Variants in PDS5B observed in about 807,000 individuals in gnomAD.
The protein encoded by PDS5B is sister chromatid cohesion protein PDS5 homolog B.
PDS5B carries 51 observed loss-of-function variants against 184.1 expected under a neutral mutation model. The observed-to-expected ratio is 0.28, with a 90% CI of 0.22 to 0.35. PDS5B has a LOEUF of 0.35. PDS5B is among the 10% of genes least tolerant of loss of function. PDS5B has a pLI of 1.00. For synonymous variants in PDS5B, 566 were observed against 569.2 expected (o/e 0.99, Z 0.08); for missense variants, 1,180 against 1,723.3 (o/e 0.68, Z 5.58).
At chr13:32,742,557 C>T (rs1180359108) in intron 22 of PDS5B, 34 bp from the exon 23 acceptor site, 5 of 1,548,668 alleles carry the variant, frequency 3.2e-6, no homozygotes, top group Non-Finnish European at 4.4e-6. Context: ...CAAAATGTAC[C>T]AGTGTTTTAT....
chr13:32,659,318 G>T (rs371315639), intron 6 of PDS5B, 38 bp downstream of exon 6: 1 of 1,458,332 alleles, frequency 6.9e-7, no homozygotes, highest in Non-Finnish European at 9.2e-7. Context: ...TCTAATGCCC[G>T]TTAATATTAA....
At chr13:32,734,115 CCTTT>C (rs1953231433) in intron 20 of PDS5B, among the ~76,000 whole-genome samples, 1 of 151,924 alleles carries the variant, frequency 6.6e-6, no homozygotes, top group South Asian at 2.1e-4. Flanking sequence ...GCAACCTCCA[CCTTT>C]CTTGTTCAAG....
intron 30 of PDS5B, among the ~76,000 whole-genome samples, chr13:32,761,741 A>G (rs2141017433): frequency 6.6e-6 from 1 of 152,236 alleles, no homozygotes; most frequent in South Asian, 2.1e-4. Context: ...TATCTTTGAT[A>G]TTGTGAATAG....
At chr13:32,701,292 T>G (rs753035849) in intron 16 of PDS5B, 31 bp from the exon 17 acceptor site, 18 of 1,143,356 alleles carry the variant, frequency 1.6e-5, no homozygotes, top group Middle Eastern at 2.0e-4. Flanking sequence ...TTAAATGTAC[T>G]TTTGTAATAC....
chr13:32,753,574 C>T (rs1467426163), intron 25 of PDS5B, 38 bp downstream of exon 25: 1 of 1,421,034 alleles, frequency 7.0e-7, no homozygotes, highest in South Asian at 1.3e-5. Flanking sequence ...ACTTTTTCAG[C>T]CTGCTAGTTT....
At chr13:32,747,500 T>C (rs1047843059) in intron 24 of PDS5B, among the ~76,000 whole-genome samples, 6 of 151,822 alleles carry the variant, frequency 4.0e-5, no homozygotes, top group African/African-American at 7.3e-5. Context: ...TGCCAGAGAA[T>C]TGCTTGAACT....
chr13:32,693,738 AT>A (rs1388176953), intron 13 of PDS5B, among the ~76,000 whole-genome samples: 3 of 150,978 alleles, frequency 2.0e-5, no homozygotes, highest in Admixed American at 2.0e-4. Context: ...TACCTGTATG[AT>A]TTTTTTAGAT....
chr13:32,723,594 G>C (rs1283578667), intron 19 of PDS5B, among the ~76,000 whole-genome samples: 1 of 152,110 alleles, frequency 6.6e-6, no homozygotes, highest in Non-Finnish European at 1.5e-5. Context: ...AAATAACTGA[G>C]TATGTAAAAT....
chr13:32,699,992 A>T (rs1951821262), intron 16 of PDS5B, 123 bp downstream of exon 16: 1 of 860,342 alleles, frequency 1.2e-6, no homozygotes, highest in Non-Finnish European at 1.7e-6. Flanking sequence ...AAAAATGCAG[A>T]TAAACTATAA....
At chr13:32,646,365 CTGTGTTTTT>C (rs1950224546) in intron 1 of PDS5B, among the ~76,000 whole-genome samples, 1 of 69,748 alleles carries the variant, frequency 1.4e-5, no homozygotes, top group East Asian at 4.1e-4. Context: ...TCTCTCATGG[CTGTGTTTTT>C]TTTTTTTTTT....
Position 32,775,390 on chromosome 13 carries a change from C to A in PDS5B, c.*338C>A. 3.0e-6 allele frequency: 1 copy of A among 328,696 alleles called. No homozygotes were observed. The highest frequency in any genetic ancestry group is 5.8e-6 in the Non-Finnish European group (1 of 173,438). 20.4% of individuals were successfully genotyped at this position (328,696 alleles called of 1,614,324 possible). On this transcript the variant is annotated 3_prime_UTR_variant, in exon 35 of 35. Transcript: ENST00000315596. ...TCTGCGGCTTTAAACTGACAGTACC[C>A]GACTGTTTATTGGATCTATTGATTT...
rs1566397570 is a variant in PDS5B, at chr13:32,741,068, G to GTTTTTTTTTTT, written c.2407-9_2407-8insTTTTTTTTTTT. 2 of 1,281,034 alleles carry GTTTTTTTTTTT rather than the reference G, an allele frequency of 1.6e-6. No individual in the cohort carries two copies. The highest frequency in any genetic ancestry group is 1.6e-5 in the African/African-American group (1 of 63,668). The allele number at this position is 1,281,034 out of a possible 1,614,324, so 79.4% of individuals were successfully genotyped here. On this transcript the variant is annotated splice_polypyrimidine_tract_variant and intron_variant, in intron 21 of 34. Transcript: ENST00000315596. Reference sequence around the variant, plus strand: ...AGTCCCTGGTTTTTTTTTTTTTCTCGTTTATTTTTAGCTTCCAGGGAAAAA... The same window carrying GTTTTTTTTTTT: ...AGTCCCTGGTTTTTTTTTTTTTCTCGTTTTTTTTTTTTTTATTTTTAGCTTCCAGGGAAAAA...
intron 1 of PDS5B, among the ~76,000 whole-genome samples, chr13:32,633,464 A>G (rs2058489767): frequency 6.6e-6 from 1 of 152,216 alleles, no homozygotes; most frequent in Admixed American, 6.5e-5. Context: ...ACACTGTCAC[A>G]AAACAAAGTT....
At chr13:32,600,245 T>G (rs1259912411) in intron 1 of PDS5B, among the ~76,000 whole-genome samples, 1 of 152,260 alleles carries the variant, frequency 6.6e-6, no homozygotes, top group Non-Finnish European at 1.5e-5. Flanking sequence ...TAATGGACTT[T>G]TGACTCTTTT....
intron 19 of PDS5B, among the ~76,000 whole-genome samples, chr13:32,719,815 G>A (rs370500409): frequency 6.7e-6 from 1 of 149,596 alleles, no homozygotes; most frequent in Non-Finnish European, 1.5e-5. Flanking sequence ...TTGAGACAGG[G>A]TTTCACTCTG....
At chr13:32,774,183 A>G (rs938465438) in intron 34 of PDS5B, among the ~76,000 whole-genome samples, 1 of 152,164 alleles carries the variant, frequency 6.6e-6, no homozygotes, top group South Asian at 2.1e-4. Context: ...AAAACATAAT[A>G]CATTTAAGTA....
chr13:32,653,689 A>C (rs1167440710), intron 3 of PDS5B, among the ~76,000 whole-genome samples: 2 of 152,228 alleles, frequency 1.3e-5, no homozygotes, highest in Non-Finnish European at 2.9e-5. Context: ...GACTTAAAGT[A>C]GATAACATGA....
intron 1 of PDS5B, among the ~76,000 whole-genome samples, chr13:32,594,014 A>G (rs913321700): frequency 6.6e-6 from 1 of 152,222 alleles, no homozygotes; most frequent in Non-Finnish European, 1.5e-5. Context: ...TAAATGATAA[A>G]TGTTTGAAGT....
Position 32,635,170 on chromosome 13 carries a change from G to GTTTTTTTTTTTTTTT in PDS5B, c.-19-13553_-19-13539dup, listed in dbSNP as rs71071054. Among the ~76,000 whole-genome samples, 6 of 81,120 alleles carry GTTTTTTTTTTTTTTT rather than the reference G, an allele frequency of 7.4e-5. 1 individual carries two copies. Among genetic ancestry groups the GTTTTTTTTTTTTTTT allele is most frequent in the East Asian group, 3.7e-4 (1 of 2,718 alleles). 53.2% of individuals were successfully genotyped at this position (81,120 alleles called of 152,430 possible). ...TGCACCACCATGTCCAGCCAATTAC[G>GTTTTTTTTTTTTTTT]TTTTTTTTTTTTTTTTTTTTTTTTT... On this transcript the variant is annotated intron_variant, in intron 1 of 34. Coordinates refer to ENST00000315596, the MANE Select transcript of PDS5B (RefSeq NM_015032.4).
Sources: gnomAD v4.1 joint callset for allele counts (sites outside exome capture counted in the v4.1 genomes callset) on GRCh38, gnomAD v4.1.1 for gene constraint, MANE v1.5 for transcripts, NCBI Gene and HGNC (gene_info 2026-07-23, HGNC 2026-07-21) for gene names.